DCAF10: variants seen among roughly 807,000 people sequenced by gnomAD.
The protein encoded by DCAF10 is DDB1 and CUL4 associated factor 10.
A neutral mutation model predicts 51.9 loss-of-function variants in DCAF10; 19 were observed. The observed-to-expected ratio is 0.37, with a 90% confidence interval of 0.26 to 0.54. The LOEUF (loss-of-function observed/expected upper bound fraction) is 0.54. Ranked by LOEUF, DCAF10 falls within the 20% of genes least tolerant of loss-of-function variation. DCAF10 has a pLI of 0.87. For missense variants in DCAF10, 510 were observed against 730.6 expected (o/e 0.70, Z 3.48); for synonymous variants, 291 against 297.1 (o/e 0.98, Z 0.21).
chr9:37,820,324 C>A (rs375360093), intron 2 of DCAF10, among the ~76,000 whole-genome samples: 12 of 152,248 alleles, frequency 7.9e-5, no homozygotes, highest in African/African-American at 2.6e-4. Context: ...GGGGCTGAAA[C>A]CACAGACCAG....
intron 3 of DCAF10, among the ~76,000 whole-genome samples, chr9:37,850,826 T>TATA (rs1830612494): frequency 6.5e-5 from 3 of 45,870 alleles, no homozygotes; most frequent in African/African-American, 1.1e-4. Context: ...AGGATATATT[T>TATA]TATATATATA....
chr9:37,808,259 A>T (rs913025663), intron 1 of DCAF10, among the ~76,000 whole-genome samples: 3 of 151,138 alleles, frequency 2.0e-5, no homozygotes, highest in Non-Finnish European at 2.9e-5. Flanking sequence ...AAATACAAAA[A>T]TTAGCCAGTT....
chr9:37,853,708 A>C (rs1431275692), intron 3 of DCAF10, among the ~76,000 whole-genome samples: 1 of 151,944 alleles, frequency 6.6e-6, no homozygotes, highest in African/African-American at 2.4e-5. Flanking sequence ...CCAGGCTCAA[A>C]CCATCCTCGC....
intron 3 of DCAF10, among the ~76,000 whole-genome samples, chr9:37,847,182 G>C (rs1217408505): frequency 6.8e-6 from 1 of 147,044 alleles, no homozygotes; most frequent in African/African-American, 2.5e-5. Context: ...GAACCCAGAA[G>C]GTGGAAGTTG....
At chr9:37,812,907 T>C (rs1829396864) in intron 1 of DCAF10, among the ~76,000 whole-genome samples, 1 of 152,026 alleles carries the variant, frequency 6.6e-6, no homozygotes, top group Non-Finnish European at 1.5e-5. Flanking sequence ...TATAATTATA[T>C]CTAAAAAATT....
At chr9:37,830,809 C>T (rs1195091327) in intron 2 of DCAF10, among the ~76,000 whole-genome samples, 1 of 152,198 alleles carries the variant, frequency 6.6e-6, no homozygotes, top group Non-Finnish European at 1.5e-5. Context: ...CAATGTTAGC[C>T]TTCATTTGCT....
At chr9:37,815,123 T>C (rs1406241344) in intron 1 of DCAF10, among the ~76,000 whole-genome samples, 2 of 152,196 alleles carry the variant, frequency 1.3e-5, no homozygotes, top group African/African-American at 4.8e-5. Flanking sequence ...GTTTGACATA[T>C]ATTCATGAAA....
rs1159529484 is a variant in DCAF10 at position 37,801,534 on chromosome 9, G to A, written c.539+129G>A. The A allele has an allele frequency of 8.8e-7, 1 of 1,135,184 alleles. No individual in the cohort carries two copies. The highest frequency in any genetic ancestry group is 1.1e-6 in the Non-Finnish European group (1 of 869,614). The allele number at this position is 1,135,184 out of a possible 1,614,324, so 70.3% of individuals were successfully genotyped here. ...AGGCCGTTTGGGGCCGCTGGCCTTCGTGCCTCCTGGCACTTTCTGAAGCGC... is the reference window on the plus strand; with the variant it reads ...AGGCCGTTTGGGGCCGCTGGCCTTCATGCCTCCTGGCACTTTCTGAAGCGC... On this transcript the variant is annotated intron_variant, in intron 1 of 6. Coordinates refer to ENST00000377724, the MANE Select transcript of DCAF10 (RefSeq NM_024345.5). The surrounding 1 kb of genome is among the most constrained non-coding windows in gnomAD (Gnocchi z 5.5).
chr9:37,856,077 G>A (rs1439318415), intron 4 of DCAF10, among the ~76,000 whole-genome samples: 1 of 152,102 alleles, frequency 6.6e-6, no homozygotes, highest in Admixed American at 6.6e-5. Flanking sequence ...CCTGAGCCTG[G>A]CAGGTTGAGG....
chr9:37,805,670 A>C (rs542049562), intron 1 of DCAF10, among the ~76,000 whole-genome samples: 6 of 152,318 alleles, frequency 3.9e-5, no homozygotes, highest in African/African-American at 1.4e-4. Context: ...TTCCAAAAGA[A>C]GGCAAGAAAG....
intron 3 of DCAF10, among the ~76,000 whole-genome samples, chr9:37,849,844 C>T (rs1043393827): frequency 2.0e-5 from 3 of 152,094 alleles, no homozygotes; most frequent in African/African-American, 7.2e-5. Context: ...CGCACCACTG[C>T]ATTCCAGCCT....
At chr9:37,846,825 AC>A (rs1830487631) in intron 3 of DCAF10, among the ~76,000 whole-genome samples, 1 of 152,190 alleles carries the variant, frequency 6.6e-6, no homozygotes, top group African/African-American at 2.4e-5. Flanking sequence ...GATTAATTCT[AC>A]CAAATATTTA....
At chr9:37,850,827 TATATATATATATATATATATATA>T (rs1304106784) in intron 3 of DCAF10, among the ~76,000 whole-genome samples, 17 of 66,080 alleles carry the variant, frequency 2.6e-4, no homozygotes, top group South Asian at 4.7e-4. Flanking sequence ...GGATATATTT[TATATATATATATATATATATATA>T]TATATATATA....
At chr9:37,840,333 T>C (rs1356822988) in intron 2 of DCAF10, among the ~76,000 whole-genome samples, 1 of 152,212 alleles carries the variant, frequency 6.6e-6, no homozygotes, top group Non-Finnish European at 1.5e-5. Flanking sequence ...GCCATTGTTA[T>C]CAGGAGATGA....
chr9:37,816,835 T>G (rs1022630963), intron 1 of DCAF10, among the ~76,000 whole-genome samples: 4 of 152,184 alleles, frequency 2.6e-5, no homozygotes, highest in African/African-American at 7.2e-5. Flanking sequence ...TCATATAAAT[T>G]CTACCTAAGT....
chr9:37,822,107 T>C (rs541437252), intron 2 of DCAF10, among the ~76,000 whole-genome samples: 6 of 151,892 alleles, frequency 4.0e-5, no homozygotes, highest in Non-Finnish European at 8.8e-5. Context: ...AATCAAAAAA[T>C]CAAAAAACAG....
chr9:37,849,678 C>T (rs1222327160), intron 3 of DCAF10, among the ~76,000 whole-genome samples: 1 of 152,154 alleles, frequency 6.6e-6, no homozygotes, highest in South Asian at 2.1e-4. Context: ...GTCAGGAGTT[C>T]GAGACCAGCC....
At chr9:37,810,166 AG>A (rs1054084051) in intron 1 of DCAF10, among the ~76,000 whole-genome samples, 13 of 151,888 alleles carry the variant, frequency 8.6e-5, no homozygotes, top group Non-Finnish European at 1.6e-4. Flanking sequence ...AAAAAAAAAA[AG>A]TTGGGGGGAC....
At chr9:37,822,477 T>C (rs933746162) in intron 2 of DCAF10, among the ~76,000 whole-genome samples, 4 of 146,650 alleles carry the variant, frequency 2.7e-5, no homozygotes, top group African/African-American at 1.0e-4. Flanking sequence ...AAGGAATGAA[T>C]TAACAGCATT....
Sources: allele counts gnomAD v4.1 joint callset (sites outside exome capture counted in the v4.1 genomes callset), GRCh38; gene constraint gnomAD v4.1.1; non-coding constraint Gnocchi (gnomAD v3.1); transcripts MANE v1.5; gene names NCBI Gene and HGNC (gene_info 2026-07-23, HGNC 2026-07-21).